The following TMEM123 variants were observed in gnomAD, a reference collection of about 807,000 sequenced individuals.
TMEM123 encodes the protein porimin.
A neutral mutation model predicts 19.7 loss-of-function variants in TMEM123; 16 were observed. The observed-to-expected ratio is 0.81, with a 90% CI of 0.55 to 1.23. The LOEUF is 1.23. Ranked by LOEUF, TMEM123 falls within the 50% of genes most tolerant of loss-of-function variation. The pLI, the probability that TMEM123 is intolerant of heterozygous loss-of-function variation, is 0.00. For missense variants in TMEM123, 313 were observed against 257.8 expected, an observed-to-expected ratio of 1.21 and a Z score of -1.47; for synonymous variants, 118 against 99.4, an observed-to-expected ratio of 1.19 and a Z score of -1.12.
chr11:102,446,804 G>A (rs1206607910), intron 2 of TMEM123, among the ~76,000 whole-genome samples: 3 of 152,150 alleles, frequency 2.0e-5, no homozygotes, highest in African/African-American at 4.8e-5. Flanking sequence ...GGCAGTCTCC[G>A]CTTTTTCCAA....
At chr11:102,425,434 C>T (rs2135854313) in intron 2 of TMEM123, among the ~76,000 whole-genome samples, 1 of 152,228 alleles carries the variant, frequency 6.6e-6, no homozygotes, top group Non-Finnish European at 1.5e-5. Flanking sequence ...CCATTTCCTT[C>T]CCCCTCACCA....
intron 1 of TMEM123, among the ~76,000 whole-genome samples, chr11:102,451,788 T>A (rs555332525): frequency 6.6e-6 from 1 of 152,364 alleles, no homozygotes; most frequent in Admixed American, 6.5e-5. Flanking sequence ...AAAGTCAACA[T>A]CATCCTGTTA....
At chr11:102,425,284 T>C (rs1565351914) in intron 2 of TMEM123, among the ~76,000 whole-genome samples, 1 of 152,202 alleles carries the variant, frequency 6.6e-6, no homozygotes, top group African/African-American at 2.4e-5. Flanking sequence ...TGAAACACCT[T>C]GAACAACAAC....
In TMEM123 at chr11:102,402,192, C is replaced by A; in HGVS notation, c.172G>T (p.Val58Leu). The change falls in exon 3 of 5, where the codon GTG becomes TTG. Residue 58 changes from valine (V) to leucine (L), a missense_variant. Transcript: ENST00000398136. ...GTTTCATTTGTATGGTCAGAAGGCA[C>A]ATGTTGGAGAGTCTCTGCAATAATA... is the stretch of plus-strand genomic sequence containing the variant. ...SANSTETLQH[V>L]PSDHTNETSN... 1 of 1,613,754 alleles carries A rather than the reference C, an allele frequency of 6.2e-7. No homozygotes were observed. The highest frequency in any genetic ancestry group is 1.1e-5 in the South Asian group (1 of 91,066).
rs1951858777 is a variant in TMEM123, at chr11:102,396,671, TAACC to T, written c.*2192_*2195del. Reference sequence around the variant, plus strand: ...GTCCAAAGCAAAATATTTTTTTGCATAACCATTTCCCTCAATTTTTATAGATAAC... The same window carrying T: ...GTCCAAAGCAAAATATTTTTTTGCATATTTCCCTCAATTTTTATAGATAAC... On this transcript the variant is annotated 3_prime_UTR_variant, in exon 5 of 5. Transcript: ENST00000398136. 1 of 152,186 alleles carries T rather than the reference TAACC, an allele frequency of 6.6e-6. No homozygotes were observed. Among genetic ancestry groups the T allele is most frequent in the African/African-American group, 2.4e-5 (1 of 41,452 alleles). 9.4% of individuals were successfully genotyped at this position (152,186 alleles called of 1,614,324 possible).
chr11:102,441,745 AATC>A (rs1229546900), intron 2 of TMEM123, among the ~76,000 whole-genome samples: 1 of 152,090 alleles, frequency 6.6e-6, no homozygotes, highest in Non-Finnish European at 1.5e-5. Context: ...AAAAAAAAAA[AATC>A]AATGAATCCA....
At chr11:102,445,430 T>A (rs1000540183) in intron 2 of TMEM123, among the ~76,000 whole-genome samples, 1 of 152,222 alleles carries the variant, frequency 6.6e-6, no homozygotes, top group African/African-American at 2.4e-5. Context: ...GTATCACCAT[T>A]TGCAACTAAA....
At chr11:102,408,910 A>G (rs1406342233) in intron 2 of TMEM123, among the ~76,000 whole-genome samples, 1 of 152,174 alleles carries the variant, frequency 6.6e-6, no homozygotes, top group Admixed American at 6.5e-5. Flanking sequence ...GAAGCAGTCC[A>G]TTTTTCTAGT....
chr11:102,439,117 A>G (rs1381586680), intron 2 of TMEM123, among the ~76,000 whole-genome samples: 1 of 152,202 alleles, frequency 6.6e-6, no homozygotes, highest in Non-Finnish European at 1.5e-5. Context: ...AGCCCACCAC[A>G]GCTCAAGGAG....
At chr11:102,410,479 CAG>C (rs1360690448) in intron 2 of TMEM123, among the ~76,000 whole-genome samples, 1 of 148,692 alleles carries the variant, frequency 6.7e-6, no homozygotes, top group Non-Finnish European at 1.5e-5. Context: ...TCCGTTTCCA[CAG>C]ACTCAATCCA....
chr11:102,408,085 G>A (rs1951971121), intron 2 of TMEM123, among the ~76,000 whole-genome samples: 3 of 152,248 alleles, frequency 2.0e-5, no homozygotes, highest in South Asian at 4.1e-4. Flanking sequence ...AATGAAAGTT[G>A]AGATTATCTA....
chr11:102,441,166 C>T (rs1211882602), intron 2 of TMEM123, among the ~76,000 whole-genome samples: 1 of 152,092 alleles, frequency 6.6e-6, no homozygotes, highest in African/African-American at 2.4e-5. Context: ...ATATCCGGGA[C>T]TTGAACTCAG....
rs1267816701 is a variant in TMEM123, at chr11:102,413,214, T to A, written c.158-11008A>T. ...AATTTAAGAACTTTTGAAGGCTGTA[T>A]TCCTCTTAAATGTGAGACTTATACT... is the stretch of plus-strand genomic sequence containing the variant. On this transcript the variant is annotated intron_variant, in intron 2 of 4. Coordinates refer to ENST00000398136, the MANE Select transcript of TMEM123 (RefSeq NM_052932.3). Among the ~76,000 whole-genome samples the A allele has an allele frequency of 2.6e-5, 4 of 152,344 alleles. No individual in the cohort carries two copies. In the East Asian group the frequency reaches 7.7e-4, roughly 29 times the overall value.
intron 2 of TMEM123, among the ~76,000 whole-genome samples, chr11:102,402,804 A>G (rs1951924819): frequency 6.6e-6 from 1 of 152,236 alleles, no homozygotes; most frequent in Non-Finnish European, 1.5e-5. Context: ...GGTAATAATA[A>G]TTTCCCATAG....
At chr11:102,428,003 A>G (rs1952144250) in intron 2 of TMEM123, among the ~76,000 whole-genome samples, 1 of 152,140 alleles carries the variant, frequency 6.6e-6, no homozygotes, top group African/African-American at 2.4e-5. Flanking sequence ...CTCAATGAGG[A>G]TATAAACTTG....
In TMEM123 at chr11:102,447,988, T is replaced by C. The variant is rs1383685306; in HGVS notation, c.157+824A>G. On this transcript the variant is annotated intron_variant, in intron 2 of 4. Transcript: ENST00000398136. ...ATGGTTACTTATGTATTTTATGTCA[T>C]GTATATTTTGCCACAAAATAAAAAA... Among the ~76,000 whole-genome samples, 5 of 152,254 alleles carry C rather than the reference T, an allele frequency of 3.3e-5. 1 individual carries two copies. The highest frequency in any genetic ancestry group is 7.2e-5 in the African/African-American group (3 of 41,468).
At chr11:102,418,021 TA>T (rs1445988604) in intron 2 of TMEM123, among the ~76,000 whole-genome samples, 2 of 149,122 alleles carry the variant, frequency 1.3e-5, no homozygotes, top group African/African-American at 5.0e-5. Flanking sequence ...GACTTAAATG[TA>T]AAACCTAAAA....
At chr11:102,433,230 T>A (rs1444927411) in intron 2 of TMEM123, among the ~76,000 whole-genome samples, 1 of 151,894 alleles carries the variant, frequency 6.6e-6, no homozygotes, top group Non-Finnish European at 1.5e-5. Context: ...CAACGCCAGC[T>A]AGTGACAGCA....
At chr11:102,409,632 CCAGGCGGG>C (rs530751074) in intron 2 of TMEM123, among the ~76,000 whole-genome samples, 8 of 152,070 alleles carry the variant, frequency 5.3e-5, no homozygotes, top group Non-Finnish European at 7.4e-5. Context: ...TTTGGGAGGC[CCAGGCGGG>C]CAGGCGGGCA....
Sources: allele counts gnomAD v4.1 joint callset (sites outside exome capture counted in the v4.1 genomes callset), GRCh38; gene constraint gnomAD v4.1.1; transcripts MANE v1.5; gene names NCBI Gene and HGNC (gene_info 2026-07-23, HGNC 2026-07-21).